The following ZNF205 variants were observed in gnomAD, a reference collection of about 807,000 sequenced individuals.
ZNF205 encodes zinc finger protein 205.
Under a neutral mutation model 53.6 loss-of-function variants are expected in ZNF205, and 32 were observed. The observed-to-expected ratio is 0.60, with a 90% CI of 0.45 to 0.80. The LOEUF is 0.80. Among genes scored for constraint, ZNF205 ranks in the 30% least tolerant of loss-of-function variants. The pLI, the probability that ZNF205 is intolerant of heterozygous loss-of-function variation, is 0.00. For synonymous variants in ZNF205, 382 were observed against 334.3 expected (o/e 1.14, Z -1.56); for missense variants, 836 against 782.4 (o/e 1.07, Z -0.82).
rs763302642 is a variant in ZNF205, at chr16:3,118,974, G to T, written c.554G>T (p.Arg185Leu). The T allele has an allele frequency of 1.9e-6, 3 of 1,613,664 alleles. No homozygotes were observed. Among genetic ancestry groups the T allele is most frequent in the South Asian group, 1.1e-5 (1 of 91,078 alleles). ...HGKGEASGSS[R>L]QAGDEKEWRG... ...AAGGGTGAGGCCTCGGGCTCCAGCC[G>T]GCAGGCAGGAGATGAGAAGGAGTGG... Residue 185 changes from arginine to leucine, a missense_variant, in exon 6 of 7, where the codon CGG becomes CTG. Coordinates refer to ENST00000219091, the MANE Select transcript of ZNF205 (RefSeq NM_001042428.2).
intron 2 of ZNF205, among the ~76,000 whole-genome samples, chr16:3,114,215 G>A (rs1335254574): frequency 1.3e-5 from 2 of 152,204 alleles, no homozygotes; most frequent in Non-Finnish European, 2.9e-5. Flanking sequence ...AGCCCCACAT[G>A]TTGGCATTCT....
chr16:3,115,508 T>C lies in ZNF205; in HGVS notation c.211T>C (p.Trp71Arg), dbSNP rs1555447736. ...ASQEDGAQGA[W>R]GWAPLSHGSK... ...GCAGGAGGATGGGGCTCAAGGTGCC[T>C]GGGGCTGGGCACCCCTAAGTCACGG... Residue 71 changes from tryptophan (W) to arginine (R), a missense_variant, in exon 3 of 7, where the codon TGG becomes CGG. Coordinates refer to ENST00000219091, the MANE Select transcript of ZNF205 (RefSeq NM_001042428.2). 1.1e-5 allele frequency: 17 copies of C among 1,604,154 alleles called. No homozygotes were observed. In the South Asian group the frequency reaches 1.9e-4, roughly 18 times the overall value.
chr16:3,116,257 C>A, intron 4 of ZNF205, 170 bp from the exon 5 acceptor site: 4 of 907,020 alleles, frequency 4.4e-6, no homozygotes, highest in African/African-American at 1.7e-5. Context: ...TTTCTCAACT[C>A]CCCAGAAGGC....
chr16:3,120,483 C>T lies in ZNF205; in HGVS notation c.*158C>T. On this transcript the variant is annotated 3_prime_UTR_variant, in exon 7 of 7. Transcript: ENST00000219091. Reference sequence around the variant, plus strand: ...GGGGGAGGGCGAGGGCGAGAAAGGGCAGGCACTCTGCGAATTAAAGGCCTT... The same window carrying T: ...GGGGGAGGGCGAGGGCGAGAAAGGGTAGGCACTCTGCGAATTAAAGGCCTT... 2.2e-6 allele frequency: 2 copies of T among 897,822 alleles called. No individual in the cohort carries two copies. The highest frequency in any genetic ancestry group is 3.3e-6 in the Non-Finnish European group (2 of 610,896). The allele number at this position is 897,822 out of a possible 1,614,324, so 55.6% of individuals were successfully genotyped here.
rs530587982 is a variant in ZNF205, at chr16:3,117,207, G to A, written c.484+660G>A. Among the ~76,000 whole-genome samples, 11 of 152,312 alleles carry A rather than the reference G, an allele frequency of 7.2e-5. No individual in the cohort carries two copies. The South Asian group carries it at 2.3e-3, about 32-fold the overall frequency. On this transcript the variant is annotated intron_variant, in intron 5 of 6. Coordinates refer to ENST00000219091, the MANE Select transcript of ZNF205 (RefSeq NM_001042428.2). ...TCCGCTTTTCCTGGGTTCATCCGCAGGGCTCACTCCTATAGCTCCATCTTC... is the reference window on the plus strand; with the variant it reads ...TCCGCTTTTCCTGGGTTCATCCGCAAGGCTCACTCCTATAGCTCCATCTTC...
chr16:3,119,208 G>T (rs1452079215), intron 6 of ZNF205, 48 bp from the exon 7 acceptor site: 3 of 1,538,910 alleles, frequency 1.9e-6, no homozygotes, highest in Non-Finnish European at 1.8e-6. Flanking sequence ...CCCTCCTGGG[G>T]TCCTTAGGGA....
In ZNF205 at chr16:3,113,425, T is replaced by G; in HGVS notation, c.-6T>G. The G allele has an allele frequency of 6.2e-7, 1 of 1,612,840 alleles. No individual in the cohort carries two copies. ...TCAGCTGTTCTTTCTAGCTCTGAAA[T>G]AGAAAATGTCTGCAGACGGCGGAGG... On this transcript the variant is annotated 5_prime_UTR_variant, in exon 2 of 7. Coordinates refer to ENST00000219091, the MANE Select transcript of ZNF205 (RefSeq NM_001042428.2).
intron 3 of ZNF205, 94 bp downstream of exon 3, chr16:3,115,662 A>G: frequency 4.2e-6 from 6 of 1,428,628 alleles, no homozygotes; most frequent in Non-Finnish European, 4.7e-6. Flanking sequence ...GAGGGTCTCT[A>G]TGCCAGCAGG....
intron 1 of ZNF205, chr16:3,113,070 C>T (rs1289053217): frequency 7.5e-6 from 2 of 266,008 alleles, no homozygotes; most frequent in Non-Finnish European, 1.4e-5. Flanking sequence ...ACTTTCTGCT[C>T]CTGATGACAG....
intron 5 of ZNF205, among the ~76,000 whole-genome samples, chr16:3,117,454 T>TTTTC: frequency 7.1e-6 from 1 of 139,912 alleles, no homozygotes; most frequent in African/African-American, 2.7e-5. Context: ...TTTTTTTTTT[T>TTTTC]TTTTTTTTTT....
chr16:3,112,995 C>G (rs754456590), intron 1 of ZNF205: 4 of 211,946 alleles, frequency 1.9e-5, no homozygotes, highest in Non-Finnish European at 2.8e-5. Flanking sequence ...GACAGCAGGT[C>G]CTGGATTACC....
Position 3,120,388 on chromosome 16 carries a change from C to T in ZNF205, c.*63C>T. 1 of 1,436,154 alleles carries T rather than the reference C, an allele frequency of 7.0e-7. No individual in the cohort carries two copies. The highest frequency in any genetic ancestry group is 9.1e-7 in the Non-Finnish European group (1 of 1,098,060). The allele number at this position is 1,436,154 out of a possible 1,614,324, so 89.0% of individuals were successfully genotyped here. A position where few individuals can be genotyped will look rare whatever the true frequency, so the allele number is the denominator to read the frequency against. ...TGGAACAGCCCCACTGGAGTCAAGG[C>T]TCCGAGGGAGGAGAGAGGGGCTCGG... On this transcript the variant is annotated 3_prime_UTR_variant, in exon 7 of 7. Coordinates refer to ENST00000219091, the MANE Select transcript of ZNF205 (RefSeq NM_001042428.2).
At position 3,115,523 on chromosome 16, in the gene ZNF205, C is replaced by T; in HGVS notation, c.226C>T (p.Leu76=). ...GAQGAWGWAP[L]SHGSKEKALF... ...TCAAGGTGCCTGGGGCTGGGCACCC[C>T]TAAGTCACGGCTCTAAGGAGAAAGC... is the stretch of plus-strand genomic sequence containing the variant. Residue 76 remains leucine, a synonymous_variant, in exon 3 of 7, where the codon CTA becomes TTA. Transcript: ENST00000219091. The T allele has an allele frequency of 1.2e-6, 2 of 1,602,284 alleles. No individual in the cohort carries two copies. Among genetic ancestry groups the T allele is most frequent in the Non-Finnish European group, 1.7e-6 (2 of 1,175,746 alleles).
intron 2 of ZNF205, chr16:3,114,977 G>GTTACTTATACAGGTAACTT (rs1357066678): frequency 5.9e-6 from 1 of 170,368 alleles, no homozygotes; most frequent in Admixed American, 6.3e-5. Flanking sequence ...CCTGTATAAA[G>GTTACTTATACAGGTAACTT]ACCCTTTTCC....
At chr16:3,113,885 G>A (rs1042330909) in intron 2 of ZNF205, among the ~76,000 whole-genome samples, 5 of 152,038 alleles carry the variant, frequency 3.3e-5, no homozygotes, top group Admixed American at 6.5e-5. Flanking sequence ...GTGTGTGTGC[G>A]TGCGTGGTTG....
intron 5 of ZNF205, among the ~76,000 whole-genome samples, chr16:3,118,348 C>T (rs887436975): frequency 1.3e-5 from 2 of 152,150 alleles, no homozygotes; most frequent in African/African-American, 2.4e-5. Flanking sequence ...CCTGAGGGAT[C>T]AGAAGGATCT....
chr16:3,120,463 A>T lies in ZNF205; in HGVS notation c.*138A>T, dbSNP rs1957415591. ...ATGGGGTGAGGCATGGCGATGGGGG[A>T]GGGCGAGGGCGAGAAAGGGCAGGCA... On this transcript the variant is annotated 3_prime_UTR_variant, in exon 7 of 7. Transcript: ENST00000219091. 2.0e-6 allele frequency: 2 copies of T among 1,016,342 alleles called. No homozygotes were observed. Among genetic ancestry groups the T allele is most frequent in the African/African-American group, 1.6e-5 (1 of 61,570 alleles). The allele number at this position is 1,016,342 out of a possible 1,614,324, so 63.0% of individuals were successfully genotyped here. A position where few individuals can be genotyped will look rare whatever the true frequency, so the allele number is the denominator to read the frequency against.
In ZNF205 at chr16:3,113,479, C is replaced by T. The variant is rs754509014; in HGVS notation, c.49C>T (p.Pro17Ser). ...GIQDTQDKET[P>S]PEVPDRGHPH... is the part of the protein sequence containing the mutation. ...CCAGGACACCCAGGACAAGGAGACA[C>T]CCCCGGAGGTACAGATGGGGCTGGC... The change falls in exon 2 of 7, where the codon CCC becomes TCC. Residue 17 changes from proline to serine, a missense_variant. Coordinates refer to ENST00000219091, the MANE Select transcript of ZNF205 (RefSeq NM_001042428.2). 1 of 1,613,122 alleles carries T rather than the reference C, an allele frequency of 6.2e-7. No individual in the cohort carries two copies. Among genetic ancestry groups the T allele is most frequent in the Non-Finnish European group, 8.5e-7 (1 of 1,179,700 alleles).
In ZNF205 at chr16:3,120,165, G is replaced by A. The variant is rs144250660; in HGVS notation, c.1505G>A (p.Arg502Gln). The part of the protein sequence containing the change: ...TAHQRTHRGV[R>Q]PYACPLCGKS... ...CACCAGCGCACCCACCGTGGCGTGC[G>A]GCCCTACGCCTGCCCGTTGTGCGGC... The change falls in exon 7 of 7, where the codon CGG (arginine) becomes CAG (glutamine). Residue 502 changes from arginine (R) to glutamine (Q), a missense_variant. By Grantham distance (43) the Arg-to-Gln change is conservative. Coordinates refer to ENST00000219091, the MANE Select transcript of ZNF205 (RefSeq NM_001042428.2). The A allele has an allele frequency of 6.2e-6, 10 of 1,606,626 alleles. No homozygotes were observed. In the South Asian group the frequency reaches 1.1e-4, roughly 18 times the overall value.
Sources: allele counts gnomAD v4.1 joint callset (sites outside exome capture counted in the v4.1 genomes callset), GRCh38; gene constraint gnomAD v4.1.1; transcripts MANE v1.5; gene names NCBI Gene and HGNC (gene_info 2026-07-23, HGNC 2026-07-21).